The following CACNA2D3 variants were observed in gnomAD, a reference collection of about 807,000 sequenced individuals.
CACNA2D3 encodes voltage-dependent calcium channel subunit alpha-2/delta-3.
CACNA2D3 carries 60 observed loss-of-function variants against 160.6 expected under a neutral mutation model. The observed-to-expected ratio is 0.37, with a 90% CI of 0.30 to 0.46. CACNA2D3 has a LOEUF of 0.46. CACNA2D3 is among the 20% of genes least tolerant of loss of function. CACNA2D3 has a pLI of 1.00. For synonymous variants in CACNA2D3, 558 were observed against 492.9 expected (o/e 1.13, Z -1.75); for missense variants, 1,205 against 1,365.0 (o/e 0.88, Z 1.85).
intron 16 of CACNA2D3, among the ~76,000 whole-genome samples, chr3:54,839,245 G>A (rs1298709036): frequency 2.6e-5 from 4 of 152,170 alleles, no homozygotes; most frequent in Non-Finnish European, 4.4e-5. Context: ...GCGACAGAGC[G>A]AGACTCCATA....
chr3:54,843,944 A>G (rs1485117171), intron 16 of CACNA2D3, among the ~76,000 whole-genome samples: 2 of 152,154 alleles, frequency 1.3e-5, no homozygotes, highest in Non-Finnish European at 2.9e-5. Context: ...GTGCCAGAGC[A>G]ATGGCCAAGA....
At chr3:54,437,310 A>G (rs1700075962) in intron 4 of CACNA2D3, among the ~76,000 whole-genome samples, 1 of 152,108 alleles carries the variant, frequency 6.6e-6, no homozygotes, top group Non-Finnish European at 1.5e-5. Context: ...TTTTCAAGAC[A>G]TTTTCCCAGA....
chr3:54,452,225 A>G (rs1402143299), intron 4 of CACNA2D3, among the ~76,000 whole-genome samples: 1 of 152,222 alleles, frequency 6.6e-6, no homozygotes, highest in African/African-American at 2.4e-5. Flanking sequence ...GGAGAAACAA[A>G]GGAACATCTT....
At chr3:54,313,622 C>T (rs887960511) in intron 2 of CACNA2D3, among the ~76,000 whole-genome samples, 2 of 152,144 alleles carry the variant, frequency 1.3e-5, no homozygotes, top group Admixed American at 1.3e-4. Flanking sequence ...CCAACCGTGG[C>T]CATCCATGCT....
chr3:54,554,705 G>C (rs1242587322), intron 5 of CACNA2D3, among the ~76,000 whole-genome samples: 1 of 152,114 alleles, frequency 6.6e-6, no homozygotes, highest in Non-Finnish European at 1.5e-5. Flanking sequence ...CAGCTAACCA[G>C]TGGTAAGTGA....
intron 2 of CACNA2D3, among the ~76,000 whole-genome samples, chr3:54,316,874 G>A (rs1233522400): frequency 1.3e-5 from 2 of 152,210 alleles, no homozygotes; most frequent in African/African-American, 4.8e-5. Flanking sequence ...GATATGGCCA[G>A]AATATTGGGG....
At chr3:54,822,787 T>TTTCTTTCTTTCTTTCTTTCC (rs1553874250) in intron 14 of CACNA2D3, among the ~76,000 whole-genome samples, 5 of 70,650 alleles carry the variant, frequency 7.1e-5, no homozygotes, top group African/African-American at 1.1e-4. Context: ...TCTTTCTTTC[T>TTTCTTTCTTTCTTTCTTTCC]TTCCTTTCTT....
At chr3:54,945,248 A>G (rs2106998080) in intron 27 of CACNA2D3, among the ~76,000 whole-genome samples, 1 of 152,330 alleles carries the variant, frequency 6.6e-6, no homozygotes, top group South Asian at 2.1e-4. Flanking sequence ...TGTGCAGCAG[A>G]ATACATGGTG....
intron 27 of CACNA2D3, among the ~76,000 whole-genome samples, chr3:54,951,043 C>G (rs1238933029): frequency 1.3e-5 from 2 of 152,148 alleles, no homozygotes; most frequent in Non-Finnish European, 2.9e-5. Flanking sequence ...AAATGAAATT[C>G]ATAGAAAATG....
intron 2 of CACNA2D3, among the ~76,000 whole-genome samples, chr3:54,244,376 A>G (rs759701708): frequency 7.9e-5 from 12 of 152,232 alleles, no homozygotes; most frequent in Non-Finnish European, 1.5e-4. Context: ...ATGAGACCGC[A>G]TATGTGCAAA....
chr3:54,737,986 C>A (rs1414079839), intron 11 of CACNA2D3, among the ~76,000 whole-genome samples: 1 of 152,132 alleles, frequency 6.6e-6, no homozygotes, highest in Non-Finnish European at 1.5e-5. Context: ...TATCTTATTC[C>A]TGTTACAACA....
chr3:54,968,657 A>G, intron 28 of CACNA2D3, 146 bp downstream of exon 28: 1 of 631,680 alleles, frequency 1.6e-6, no homozygotes, highest in East Asian at 2.8e-5. Context: ...CTTTCATTTC[A>G]CTGCAAAATA....
At chr3:55,073,038 G>C (rs1053184348) in intron 35 of CACNA2D3, among the ~76,000 whole-genome samples, 2 of 152,220 alleles carry the variant, frequency 1.3e-5, no homozygotes, top group African/African-American at 4.8e-5. Context: ...ATCGTTGAGG[G>C]AAGGAGGAGA....
chr3:54,380,120 T>G (rs1699075181), intron 3 of CACNA2D3, among the ~76,000 whole-genome samples: 1 of 152,248 alleles, frequency 6.6e-6, no homozygotes, highest in South Asian at 2.1e-4. Context: ...TAACAGTTCT[T>G]AAATGGATGA....
intron 6 of CACNA2D3, among the ~76,000 whole-genome samples, chr3:54,565,683 G>C (rs557016870): frequency 6.6e-6 from 1 of 152,128 alleles, no homozygotes; most frequent in South Asian, 2.1e-4. Context: ...ATGGCCACAC[G>C]TGGTTAGTAG....
At chr3:54,531,788 G>T (rs540661455) in intron 5 of CACNA2D3, among the ~76,000 whole-genome samples, 68 of 152,336 alleles carry the variant, frequency 4.5e-4, no homozygotes, top group African/African-American at 1.6e-3. Context: ...GACAATTTTA[G>T]AAATTTGCAG....
chr3:54,723,190 G>A (rs1701206183), intron 11 of CACNA2D3, among the ~76,000 whole-genome samples: 1 of 152,206 alleles, frequency 6.6e-6, no homozygotes, highest in Non-Finnish European at 1.5e-5. Context: ...TTTACACTGT[G>A]AGTGTAAAAC....
chr3:54,185,566 C>G (rs1324687714), intron 2 of CACNA2D3, among the ~76,000 whole-genome samples: 1 of 152,116 alleles, frequency 6.6e-6, no homozygotes, highest in African/African-American at 2.4e-5. Flanking sequence ...ACATATTATT[C>G]TATAGATTCA....
chr3:54,372,022 T>A (rs900481571), intron 3 of CACNA2D3, among the ~76,000 whole-genome samples: 1 of 152,202 alleles, frequency 6.6e-6, no homozygotes, highest in African/African-American at 2.4e-5. Context: ...TATTTATCAT[T>A]TTACCTTTCT....
Sources: gnomAD v4.1 joint callset for allele counts (sites outside exome capture counted in the v4.1 genomes callset) on GRCh38, gnomAD v4.1.1 for gene constraint, MANE v1.5 for transcripts, NCBI Gene and HGNC (gene_info 2026-07-23, HGNC 2026-07-21) for gene names.